Variants in CFAP299 observed in about 807,000 individuals in gnomAD.
CFAP299 encodes cilia and flagella associated protein 299, also known as cilia- and flagella-associated protein 299.
A neutral mutation model predicts 27.0 loss-of-function variants in CFAP299; 21 were observed. The observed-to-expected ratio is 0.78, with a 90% confidence interval of 0.55 to 1.12. The LOEUF (loss-of-function observed/expected upper bound fraction) is 1.12. CFAP299 is among the 50% of genes most tolerant of loss of function. CFAP299 has a pLI of 0.00. For missense variants in CFAP299, 310 were observed against 276.6 expected (o/e 1.12, Z -0.86); for synonymous variants, 104 against 98.1 (o/e 1.06, Z -0.36).
At chr4:80,703,879 A>G (rs1721662530) in intron 3 of CFAP299, among the ~76,000 whole-genome samples, 1 of 151,788 alleles carries the variant, frequency 6.6e-6, no homozygotes. Context: ...AGAATAATTA[A>G]GAAACCAGCG....
At chr4:80,716,896 A>C (rs922139426) in intron 3 of CFAP299, among the ~76,000 whole-genome samples, 2 of 152,114 alleles carry the variant, frequency 1.3e-5, no homozygotes, top group African/African-American at 4.8e-5. Flanking sequence ...ATTGCAACCT[A>C]CTGAAAACCT....
intron 2 of CFAP299, among the ~76,000 whole-genome samples, chr4:80,552,035 C>T (rs995448428): frequency 1.3e-5 from 2 of 152,300 alleles, no homozygotes; most frequent in Middle Eastern, 3.4e-3. Flanking sequence ...AGGCGTGAGC[C>T]ACCATGCCCG....
intron 1 of CFAP299, among the ~76,000 whole-genome samples, chr4:80,344,235 A>T (rs925342708): frequency 6.6e-5 from 10 of 152,036 alleles, no homozygotes; most frequent in African/African-American, 2.4e-4. Context: ...AATTAATAAG[A>T]TAGATAGACT....
intron 3 of CFAP299, among the ~76,000 whole-genome samples, chr4:80,632,769 T>C (rs1156867200): frequency 1.3e-5 from 2 of 152,056 alleles, no homozygotes; most frequent in Non-Finnish European, 2.9e-5. Context: ...AGAGAAAATG[T>C]ATTGTCAAAG....
intron 3 of CFAP299, among the ~76,000 whole-genome samples, chr4:80,842,502 G>A (rs1347990095): frequency 6.6e-6 from 1 of 152,090 alleles, no homozygotes; most frequent in African/African-American, 2.4e-5. Context: ...ATAAAATGGG[G>A]ATAAGTGTGC....
At chr4:80,329,134 G>A in the CFAP299 span, among the ~76,000 whole-genome samples, 1 of 150,364 alleles carries the variant, frequency 6.7e-6, no homozygotes, top group Non-Finnish European at 1.5e-5. Context: ...TTTTATGTGT[G>A]GCCCAAGATA....
rs149782635 is a variant in CFAP299 at position 80,863,503 on chromosome 4, T to C, written c.334-6490T>C. Among the ~76,000 whole-genome samples, 611 of 152,322 alleles carry C rather than the reference T, an allele frequency of 4.0e-3. 5 individuals are homozygous for C. Among genetic ancestry groups the C allele is most frequent in the African/African-American group, 0.014 (581 of 41,582 alleles). On this transcript the variant is annotated intron_variant, in intron 3 of 5. Coordinates refer to ENST00000358105, the MANE Select transcript of CFAP299 (RefSeq NM_152770.3). ...TCTTTTCAACTAACATTGGTTCACT[T>C]TTGAGGTCACAGGCTCCCTCAGTAA...
intron 3 of CFAP299, among the ~76,000 whole-genome samples, chr4:80,734,966 T>G (rs914642878): frequency 1.5e-4 from 23 of 152,282 alleles, no homozygotes; most frequent in African/African-American, 5.1e-4. Flanking sequence ...AGTTTATGAT[T>G]GCTTTTTCTA....
intron 3 of CFAP299, among the ~76,000 whole-genome samples, chr4:80,658,205 T>C (rs1281313426): frequency 6.6e-6 from 1 of 152,168 alleles, no homozygotes; most frequent in Non-Finnish European, 1.5e-5. Flanking sequence ...CTTCTCTTCC[T>C]ATTTGAATAC....
intron 2 of CFAP299, among the ~76,000 whole-genome samples, chr4:80,408,075 GT>G (rs895261604): frequency 1.3e-5 from 2 of 152,114 alleles, no homozygotes; most frequent in African/African-American, 4.8e-5. Context: ...TTTCTTATAG[GT>G]TTTTCCATGG....
At chr4:80,785,270 C>G (rs1727177716) in intron 3 of CFAP299, among the ~76,000 whole-genome samples, 1 of 151,810 alleles carries the variant, frequency 6.6e-6, no homozygotes, top group Non-Finnish European at 1.5e-5. Context: ...TCCAGTTTTC[C>G]TAGCATCGTA....
intron 3 of CFAP299, among the ~76,000 whole-genome samples, chr4:80,849,884 A>G (rs1731414414): frequency 6.6e-6 from 1 of 152,184 alleles, no homozygotes; most frequent in African/African-American, 2.4e-5. Context: ...TCTCACCACA[A>G]AGAAATGAGA....
At chr4:80,797,140 C>T (rs1727912653) in intron 3 of CFAP299, among the ~76,000 whole-genome samples, 2 of 152,150 alleles carry the variant, frequency 1.3e-5, no homozygotes, top group South Asian at 4.1e-4. Flanking sequence ...AATGTCTGAT[C>T]ATTTCCCTTT....
chr4:80,898,096 T>A (rs1406874974), intron 4 of CFAP299, among the ~76,000 whole-genome samples: 1 of 152,282 alleles, frequency 6.6e-6, no homozygotes, highest in South Asian at 2.1e-4. Flanking sequence ...CTCTTTTAGC[T>A]CTGCCATCTG....
intron 3 of CFAP299, among the ~76,000 whole-genome samples, chr4:80,634,748 G>T (rs1739400748): frequency 6.6e-6 from 1 of 151,788 alleles, no homozygotes; most frequent in Admixed American, 6.6e-5. Flanking sequence ...TCCTAATTTG[G>T]ATTTAATAAG....
At chr4:80,374,751 G>T (rs958573964) in intron 2 of CFAP299, among the ~76,000 whole-genome samples, 1 of 151,974 alleles carries the variant, frequency 6.6e-6, no homozygotes, top group Admixed American at 6.6e-5. Flanking sequence ...TGAAATGAGG[G>T]CTTCTTTATA....
At chr4:80,776,573 C>T (rs1385126939) in intron 3 of CFAP299, among the ~76,000 whole-genome samples, 1 of 151,922 alleles carries the variant, frequency 6.6e-6, no homozygotes, top group Non-Finnish European at 1.5e-5. Context: ...ACATCACACA[C>T]CCGGGCCTGT....
chr4:80,529,781 G>A (rs1434704213), intron 2 of CFAP299, among the ~76,000 whole-genome samples: 1 of 151,650 alleles, frequency 6.6e-6, no homozygotes, highest in Non-Finnish European at 1.5e-5. Flanking sequence ...TCAGGTGCAA[G>A]GAAAAGGTAG....
chr4:80,717,974 A>G (rs1350147694), intron 3 of CFAP299, among the ~76,000 whole-genome samples: 1 of 152,056 alleles, frequency 6.6e-6, no homozygotes, highest in Non-Finnish European at 1.5e-5. Context: ...TCTGGTATCT[A>G]TTATTTTTCT....
Sources: gnomAD v4.1 joint callset for allele counts (sites outside exome capture counted in the v4.1 genomes callset) on GRCh38, gnomAD v4.1.1 for gene constraint, MANE v1.5 for transcripts, NCBI Gene and HGNC (gene_info 2026-07-23, HGNC 2026-07-21) for gene names.